The following ADAMTS8 variants were observed in gnomAD, a reference collection of about 807,000 sequenced individuals.
ADAMTS8 encodes the protein A disintegrin and metalloproteinase with thrombospondin motifs 8.
Under a neutral mutation model 64.4 loss-of-function variants are expected in ADAMTS8, and 50 were observed. That is an observed-to-expected ratio of 0.78 (90% CI 0.62 to 0.98). The LOEUF (loss-of-function observed/expected upper bound fraction) is 0.98. Ranked by LOEUF, ADAMTS8 falls within the 50% of genes least tolerant of loss-of-function variation. ADAMTS8 has a pLI of 0.00. For missense variants in ADAMTS8, 1,192 were observed against 1,208.2 expected, an observed-to-expected ratio of 0.99 and a Z score of 0.20; for synonymous variants, 556 against 533.6, an observed-to-expected ratio of 1.04 and a Z score of -0.58.
rs996490579 is a variant in ADAMTS8 at position 130,419,775 on chromosome 11, G to A, written c.721-483C>T. Among the ~76,000 whole-genome samples the A allele has an allele frequency of 3.9e-5, 6 of 152,072 alleles. No individual in the cohort carries two copies. The South Asian group carries it at 6.2e-4, about 16-fold the overall frequency. ...GTCTCCTTGCCAACCACCCCCACCCGTCCCCGGCCTCAGCCCAGAAGCAAA... is the reference window on the plus strand; with the variant it reads ...GTCTCCTTGCCAACCACCCCCACCCATCCCCGGCCTCAGCCCAGAAGCAAA... On this transcript the variant is annotated intron_variant, in intron 1 of 8. Coordinates refer to ENST00000257359, the MANE Select transcript of ADAMTS8 (RefSeq NM_007037.6).
intron 8 of ADAMTS8, among the ~76,000 whole-genome samples, chr11:130,408,020 AC>A (rs1016449101): frequency 6.6e-6 from 1 of 151,990 alleles, no homozygotes; most frequent in African/African-American, 2.4e-5. Flanking sequence ...CTTTTTGGTA[AC>A]CCCCTTCTCT....
At chr11:130,424,552 C>T (rs538277765) in intron 1 of ADAMTS8, among the ~76,000 whole-genome samples, 1 of 152,292 alleles carries the variant, frequency 6.6e-6, no homozygotes, top group African/African-American at 2.4e-5. Flanking sequence ...TCCTCCACAC[C>T]CCTGATTACC....
At chr11:130,410,870 A>G (rs1235806208) in intron 6 of ADAMTS8, among the ~76,000 whole-genome samples, 1 of 152,214 alleles carries the variant, frequency 6.6e-6, no homozygotes, top group Admixed American at 6.5e-5. Flanking sequence ...CCATGTTCCC[A>G]AGGGAAGATG....
chr11:130,415,309 CA>C (rs1242429784), intron 4 of ADAMTS8, among the ~76,000 whole-genome samples: 1 of 152,078 alleles, frequency 6.6e-6, no homozygotes, highest in Non-Finnish European at 1.5e-5. Context: ...TTCTGAGAAG[CA>C]ATTTTTTTTT....
At chr11:130,418,848 G>T (rs1456385248) in intron 2 of ADAMTS8, among the ~76,000 whole-genome samples, 1 of 152,194 alleles carries the variant, frequency 6.6e-6, no homozygotes, top group South Asian at 2.1e-4. Flanking sequence ...TTGGAAGAGA[G>T]CCCTTACAAG....
At chr11:130,415,782 T>C (rs1457473062) in intron 4 of ADAMTS8, among the ~76,000 whole-genome samples, 1 of 152,000 alleles carries the variant, frequency 6.6e-6, no homozygotes. Context: ...TCCAGTCCTT[T>C]GAACCAGCTC....
intron 1 of ADAMTS8, among the ~76,000 whole-genome samples, chr11:130,425,860 T>C (rs1043724744): frequency 1.8e-4 from 27 of 152,182 alleles, no homozygotes; most frequent in Admixed American, 2.6e-4. Flanking sequence ...CTCGGCCTCC[T>C]AAAGTGCTGG....
chr11:130,427,486 TGGAA>T, intron 1 of ADAMTS8, 77 bp downstream of exon 1: 1 of 844,740 alleles, frequency 1.2e-6, no homozygotes, highest in Non-Finnish European at 1.6e-6. Flanking sequence ...TCAGAGGGAT[TGGAA>T]GGGGAGATTT....
intron 1 of ADAMTS8, among the ~76,000 whole-genome samples, chr11:130,423,008 C>T (rs543762567): frequency 3.3e-4 from 50 of 152,358 alleles, no homozygotes; most frequent in African/African-American, 1.2e-3. Context: ...ACTGCTCCTA[C>T]CTGAAATAAT....
Position 130,427,997 on chromosome 11 carries a change from AGCCCCCGCTC to A in ADAMTS8, c.280_289del (p.Glu94CysfsTer10), listed in dbSNP as rs1240019089. ...GGTGCCGGAGAAGAAGCAGCCGCGC[AGCCCCCGCTC>A]GCCCCCGGTCGCCCGGCCGGAGCCC... On this transcript the variant is annotated frameshift_variant, in exon 1 of 9. Transcript: ENST00000257359. LOFTEE classifies it high-confidence loss of function. 2 of 1,527,240 alleles carry A rather than the reference AGCCCCCGCTC, an allele frequency of 1.3e-6. No individual in the cohort carries two copies. The highest frequency in any genetic ancestry group is 2.0e-5 in the Admixed American group (1 of 50,584). 94.6% of individuals were successfully genotyped at this position (1,527,240 alleles called of 1,614,324 possible). A position where few individuals can be genotyped will look rare whatever the true frequency, so the allele number is the denominator to read the frequency against.
Position 130,414,519 on chromosome 11 carries a change from G to A in ADAMTS8, c.1566+12C>T. 10 of 1,580,704 alleles carry A rather than the reference G, an allele frequency of 6.3e-6. No individual in the cohort carries two copies. The highest frequency in any genetic ancestry group is 6.9e-6 in the Non-Finnish European group (8 of 1,160,578). ...TTTCCCCTCCCCGCTATCCTCAGGGGCTGTCCCTCACCTTGGGCCTCTCCA... is the reference window on the plus strand; with the variant it reads ...TTTCCCCTCCCCGCTATCCTCAGGGACTGTCCCTCACCTTGGGCCTCTCCA... On this transcript the variant is annotated intron_variant, in intron 5 of 8. Transcript: ENST00000257359.
intron 2 of ADAMTS8, among the ~76,000 whole-genome samples, chr11:130,418,556 C>T (rs1436174292): frequency 6.6e-6 from 1 of 152,234 alleles, no homozygotes; most frequent in Admixed American, 6.5e-5. Flanking sequence ...CCAGGGCCTG[C>T]CCGATGGGGC....
intron 1 of ADAMTS8, among the ~76,000 whole-genome samples, chr11:130,424,656 C>T (rs77654243): frequency 0.01 from 1,572 of 152,304 alleles, 25 homozygotes; most frequent in African/African-American, 0.037. Flanking sequence ...TGTGGGCAGC[C>T]AAGGTCTTGA....
At chr11:130,420,215 G>A (rs1214150228) in intron 1 of ADAMTS8, among the ~76,000 whole-genome samples, 1 of 152,180 alleles carries the variant, frequency 6.6e-6, no homozygotes, top group Non-Finnish European at 1.5e-5. Context: ...GTGGGCCTAA[G>A]AGGACCCATG....
At position 130,404,983 on chromosome 11, in the gene ADAMTS8, AC is replaced by A. The variant is rs1330132345; in HGVS notation, c.*574del. ...TTGCATAAATACTTGAAATGGATCC[AC>A]CCCTGCAGGTGGCAGCCTGAGAACA... On this transcript the variant is annotated 3_prime_UTR_variant, in exon 9 of 9. Transcript: ENST00000257359. The A allele has an allele frequency of 1.0e-6, 1 of 986,338 alleles. No homozygotes were observed. Among genetic ancestry groups the A allele is most frequent in the African/African-American group, 1.7e-5 (1 of 57,202 alleles). 61.1% of individuals were successfully genotyped at this position (986,338 alleles called of 1,614,324 possible).
At position 130,428,035 on chromosome 11, in the gene ADAMTS8, G is replaced by A. The variant is rs372609556; in HGVS notation, c.252C>T (p.Leu84=). The stretch of plus-strand genomic sequence containing the variant: ...CCCCGGTCGCCCGGCCGGAGCCCCC[G>A]AGGCGCTCGATCTTGAACTCGGGCG... ...FLAPEFKIER[L]GGSGRATGGE... is the part of the protein sequence containing the mutation. Residue 84 remains leucine (L), a synonymous_variant, in exon 1 of 9, where the codon CTC becomes CTT. Transcript: ENST00000257359. 14 of 1,528,050 alleles carry A rather than the reference G, an allele frequency of 9.2e-6. No homozygotes were observed. In the African/African-American group the frequency reaches 9.8e-5, roughly 11 times the overall value. The allele number at this position is 1,528,050 out of a possible 1,614,324, so 94.7% of individuals were successfully genotyped here.
intron 8 of ADAMTS8, among the ~76,000 whole-genome samples, chr11:130,408,260 C>A (rs3740889): frequency 1.1e-4 from 16 of 152,154 alleles, no homozygotes. Context: ...AGTGCACATC[C>A]CATCTCAGGA....
Position 130,428,361 on chromosome 11 carries a change from C to T in ADAMTS8, c.-75G>A. On this transcript the variant is annotated 5_prime_UTR_variant, in exon 1 of 9. Coordinates refer to ENST00000257359, the MANE Select transcript of ADAMTS8 (RefSeq NM_007037.6). Reference sequence around the variant, plus strand: ...CGCGGGCAGGTGCTGGCGGCCCGAGCGCGGCCCGGCCGCTCTCTCCAGGAA... The same window carrying T: ...CGCGGGCAGGTGCTGGCGGCCCGAGTGCGGCCCGGCCGCTCTCTCCAGGAA... 3 of 1,226,374 alleles carry T rather than the reference C, an allele frequency of 2.4e-6. No individual in the cohort carries two copies. The highest frequency in any genetic ancestry group is 3.7e-5 in the South Asian group (2 of 53,908). 76.0% of individuals were successfully genotyped at this position (1,226,374 alleles called of 1,614,324 possible).
At position 130,428,178 on chromosome 11, in the gene ADAMTS8, C is replaced by A; in HGVS notation, c.109G>T (p.Ala37Ser). Residue 37 changes from alanine to serine, a missense_variant, in exon 1 of 9, where the codon GCC (alanine) becomes TCC (serine). Physicochemically the swap from Ala to Ser is moderately conservative, Grantham distance 99. Around this residue, in one of 5 missense-constraint regions of ADAMTS8, gnomAD observed 741 missense variants for 710.6 expected, o/e 1.04. Coordinates refer to ENST00000257359, the MANE Select transcript of ADAMTS8 (RefSeq NM_007037.6). Reference protein sequence around the residue: ...APARPAAGGQASELVVPTRLP... With the variant: ...APARPAAGGQSSELVVPTRLP... ...CGCGTGGGCACCACCAGCTCCGAGG[C>A]CTGCCCCCCGGCTGCGGGCCGGGCC... The A allele has an allele frequency of 7.5e-7, 1 of 1,337,004 alleles. No homozygotes were observed. The highest frequency in any genetic ancestry group is 9.5e-7 in the Non-Finnish European group (1 of 1,053,298). 82.8% of individuals were successfully genotyped at this position (1,337,004 alleles called of 1,614,324 possible). A position where few individuals can be genotyped will look rare whatever the true frequency, so the allele number is the denominator to read the frequency against.
Sources: gnomAD v4.1 joint callset for allele counts (sites outside exome capture counted in the v4.1 genomes callset) on GRCh38, gnomAD v4.1.1 for gene constraint, gnomAD v4.1.1 regional missense constraint, MANE v1.5 for transcripts, NCBI Gene and HGNC (gene_info 2026-07-23, HGNC 2026-07-21) for gene names.